Variants in CNN3 observed in about 807,000 individuals in gnomAD.
CNN3 encodes the protein calponin-3.
Under a neutral mutation model 39.0 loss-of-function variants are expected in CNN3, and 11 were observed. That is an observed-to-expected ratio of 0.28 (90% CI 0.18 to 0.47). The LOEUF (loss-of-function observed/expected upper bound fraction) is 0.47. Ranked by LOEUF, CNN3 falls within the 20% of genes least tolerant of loss-of-function variation. CNN3 has a pLI of 0.99. For missense variants in CNN3, 266 were observed against 403.4 expected, an observed-to-expected ratio of 0.66 and a Z score of 2.92; for synonymous variants, 101 against 138.3, an observed-to-expected ratio of 0.73 and a Z score of 1.89.
Position 94,926,857 on chromosome 1 carries a change from G to A in CNN3, c.38C>T (p.Ser13Leu). The change falls in exon 1 of 7, where the codon TCG becomes TTG. Residue 13 changes from serine to leucine, a missense_variant. Coordinates refer to ENST00000370206, the MANE Select transcript of CNN3 (RefSeq NM_001839.5). The surrounding 1 kb of genome is among the most constrained non-coding windows in gnomAD (Gnocchi z 4.2). ...GCGTACCTTGTTCTTGACTTCGGCC[G>A]AGAGCCCATAGGAAGGGCCCTTGTT... Reference protein sequence around the residue: ...HFNKGPSYGLSAEVKNKIASK... With the variant: ...HFNKGPSYGLLAEVKNKIASK... 6.2e-7 allele frequency: 1 copy of A among 1,610,898 alleles called. No individual in the cohort carries two copies. The highest frequency in any genetic ancestry group is 2.2e-5 in the East Asian group (1 of 44,470).
intron 1 of CNN3, among the ~76,000 whole-genome samples, chr1:94,910,878 T>C (rs1004204416): frequency 6.6e-6 from 1 of 152,130 alleles, no homozygotes; most frequent in African/African-American, 2.4e-5. Context: ...TTGTTTGCAA[T>C]AGCAAAGAAA....
chr1:94,920,875 A>G (rs1049078800), intron 1 of CNN3, among the ~76,000 whole-genome samples: 1 of 152,208 alleles, frequency 6.6e-6, no homozygotes, highest in South Asian at 2.1e-4. Context: ...CCCCACAAAC[A>G]ACCTGGATCT....
At chr1:94,902,905 A>G (rs1670905037) in intron 3 of CNN3, among the ~76,000 whole-genome samples, 1 of 152,162 alleles carries the variant, frequency 6.6e-6, no homozygotes, top group Admixed American at 6.5e-5. Flanking sequence ...GCTAAACGTA[A>G]TAATTACAGA....
chr1:94,920,122 A>C (rs1374742261), intron 1 of CNN3, among the ~76,000 whole-genome samples: 1 of 152,244 alleles, frequency 6.6e-6, no homozygotes, highest in Non-Finnish European at 1.5e-5. Context: ...AAAAAGCAGA[A>C]TACAACCAAG....
intron 1 of CNN3, among the ~76,000 whole-genome samples, chr1:94,912,862 T>C (rs922510180): frequency 7.9e-5 from 12 of 152,312 alleles, no homozygotes; most frequent in African/African-American, 2.9e-4. Flanking sequence ...AAGTTCCTTA[T>C]GTCTAGCGCA....
At chr1:94,919,774 GCCT>G (rs1178515142) in intron 1 of CNN3, among the ~76,000 whole-genome samples, 7 of 151,992 alleles carry the variant, frequency 4.6e-5, no homozygotes, top group Admixed American at 4.6e-4. Context: ...AGCACAAAAG[GCCT>G]CCTCTTTTCT....
Position 94,926,886 on chromosome 1 carries a change from G to A in CNN3, c.9C>T (p.His3=). 5.0e-6 allele frequency: 8 copies of A among 1,609,084 alleles called. No homozygotes were observed. Among genetic ancestry groups the A allele is most frequent in the Non-Finnish European group, 6.8e-6 (8 of 1,177,460 alleles). The change falls in exon 1 of 7, where the codon CAC becomes CAT. Residue 3 remains histidine (H), a synonymous_variant. Transcript: ENST00000370206. This position sits in a 1 kb window ranked among gnomAD's most constrained non-coding sequence, Gnocchi z 4.2. ...GCCCATAGGAAGGGCCCTTGTTGAA[G>A]TGGGTCATGGTGGTTCGGGCGGCGG... MT[H]FNKGPSYGLS... is the part of the protein sequence containing the mutation.
intron 6 of CNN3, 82 bp downstream of exon 6, chr1:94,899,289 C>CA (rs11449294): frequency 0.026 from 37,623 of 1,427,156 alleles, 624 homozygotes; most frequent in Non-Finnish European, 0.03. Flanking sequence ...ATAAACTATA[C>CA]AAAAAATACC....
chr1:94,913,253 A>G (rs1306038086), intron 1 of CNN3, among the ~76,000 whole-genome samples: 2 of 152,202 alleles, frequency 1.3e-5, no homozygotes, highest in African/African-American at 2.4e-5. Context: ...TTTAAATCAA[A>G]ACAGCCCCAT....
chr1:94,903,059 A>ATCAAGTTT (rs1461021962), intron 3 of CNN3, 63 bp downstream of exon 3: 3 of 1,303,454 alleles, frequency 2.3e-6, no homozygotes, highest in Non-Finnish European at 3.1e-6. Context: ...CAAACCTGAA[A>ATCAAGTTT]TCAAGTTTTC....
At chr1:94,910,637 C>A (rs1285882959) in intron 1 of CNN3, among the ~76,000 whole-genome samples, 1 of 152,174 alleles carries the variant, frequency 6.6e-6, no homozygotes, top group Non-Finnish European at 1.5e-5. Flanking sequence ...ACTTCAAAAC[C>A]CTGTGTTCCC....
chr1:94,897,763 G>A lies in CNN3; in HGVS notation c.969C>T (p.Ser323=), dbSNP rs776310681. The A allele has an allele frequency of 7.4e-6, 12 of 1,612,952 alleles. No individual in the cohort carries two copies. The highest frequency in any genetic ancestry group is 4.5e-5 in the East Asian group (2 of 44,870). ...QDDYPRDYQY[S]DQGIDY ...GGATCTAATAATCAATGCCTTGGTC[G>A]CTATATTGGTAATCTCTGGGGTAGT... The change falls in exon 7 of 7, where the codon AGC becomes AGT. Residue 323 remains serine (S), a synonymous_variant. Coordinates refer to ENST00000370206, the MANE Select transcript of CNN3 (RefSeq NM_001839.5).
chr1:94,905,073 T>C (rs1019014995), intron 1 of CNN3, among the ~76,000 whole-genome samples: 1 of 152,160 alleles, frequency 6.6e-6, no homozygotes, highest in East Asian at 1.9e-4. Flanking sequence ...CCTAGGTTCA[T>C]AGTGCCAGAG....
In CNN3 at chr1:94,926,607, C is replaced by G. The variant is rs1671589927; in HGVS notation, c.57+231G>C. Among the ~76,000 whole-genome samples the G allele has an allele frequency of 6.6e-6, 1 of 152,108 alleles. No homozygotes were observed. Among genetic ancestry groups the G allele is most frequent in the South Asian group, 2.1e-4 (1 of 4,824 alleles). On this transcript the variant is annotated intron_variant, in intron 1 of 6. Coordinates refer to ENST00000370206, the MANE Select transcript of CNN3 (RefSeq NM_001839.5). This position sits in a 1 kb window ranked among gnomAD's most constrained non-coding sequence, Gnocchi z 4.2. Reference sequence around the variant, plus strand: ...GCGCCCGGGAACCCACCGCCAGCCACTAGTCCTGTCCCACGGCGCGGGAAC... The same window carrying G: ...GCGCCCGGGAACCCACCGCCAGCCAGTAGTCCTGTCCCACGGCGCGGGAAC...
chr1:94,922,137 A>G (rs888061316), intron 1 of CNN3, among the ~76,000 whole-genome samples: 1 of 152,238 alleles, frequency 6.6e-6, no homozygotes, highest in Non-Finnish European at 1.5e-5. Context: ...AAACAAGGCT[A>G]GGAATGGTGG....
chr1:94,925,918 G>T, intron 1 of CNN3: 2 of 682,466 alleles, frequency 2.9e-6, no homozygotes, highest in Non-Finnish European at 1.8e-6. Context: ...AATGCAGGGA[G>T]GGAGGAAGGA....
rs1671605534 is a variant in CNN3, at chr1:94,927,003, C to T, written c.-109G>A. On this transcript the variant is annotated 5_prime_UTR_variant, in exon 1 of 7. Coordinates refer to ENST00000370206, the MANE Select transcript of CNN3 (RefSeq NM_001839.5). ...GCCGCCGCGGGGGATGCTCGAACTC[C>T]CTCCTCTGGGAGGCGCAGGAGACGG... 7.8e-7 allele frequency: 1 copy of T among 1,275,962 alleles called. No homozygotes were observed. The highest frequency in any genetic ancestry group is 1.1e-6 in the Non-Finnish European group (1 of 910,022). The allele number at this position is 1,275,962 out of a possible 1,614,324, so 79.0% of individuals were successfully genotyped here.
At position 94,897,923 on chromosome 1, in the gene CNN3, G is replaced by C. The variant is rs1020625813; in HGVS notation, c.809C>G (p.Pro270Arg). The stretch of plus-strand genomic sequence containing the variant: ...TTCTGTAGGAGCAGCACAGTATTTG[G>C]GATCATATACTTGCCGCCCAAGCCC... ...VYGLGRQVYD[P>R]KYCAAPTEPV... The change falls in exon 7 of 7, where the codon CCC becomes CGC. Residue 270 changes from proline (P) to arginine (R), a missense_variant. Pro to Arg is a moderately radical substitution (Grantham distance 103). Coordinates refer to ENST00000370206, the MANE Select transcript of CNN3 (RefSeq NM_001839.5). 4 of 1,613,894 alleles carry C rather than the reference G, an allele frequency of 2.5e-6. No individual in the cohort carries two copies. Among genetic ancestry groups the C allele is most frequent in the Non-Finnish European group, 3.4e-6 (4 of 1,179,994 alleles).
At chr1:94,904,522 T>G (rs1670947087) in intron 1 of CNN3, among the ~76,000 whole-genome samples, 1 of 151,952 alleles carries the variant, frequency 6.6e-6, no homozygotes, top group Non-Finnish European at 1.5e-5. Context: ...CTGAGCTGGG[T>G]GGATCTCTTG....
Sources: gnomAD v4.1 joint callset for allele counts (sites outside exome capture counted in the v4.1 genomes callset) on GRCh38, gnomAD v4.1.1 for gene constraint, Gnocchi (gnomAD v3.1) non-coding constraint, MANE v1.5 for transcripts, NCBI Gene and HGNC (gene_info 2026-07-23, HGNC 2026-07-21) for gene names.